Variants in XRCC4 observed in about 807,000 individuals in gnomAD.
The protein encoded by XRCC4 is X-ray repair cross complementing 4, also known as DNA repair protein XRCC4.
In XRCC4, 28 loss-of-function variants were observed where a neutral mutation model predicts 39.1. That is an observed-to-expected ratio of 0.72 (90% CI 0.53 to 0.98). The LOEUF is 0.98. Ranked by LOEUF, XRCC4 falls within the 50% of genes least tolerant of loss-of-function variation. The pLI, the probability that XRCC4 is intolerant of heterozygous loss-of-function variation, is 0.00. For missense variants in XRCC4, 350 were observed against 376.4 expected, an observed-to-expected ratio of 0.93 and a Z score of 0.58; for synonymous variants, 123 against 126.4, an observed-to-expected ratio of 0.97 and a Z score of 0.18.
chr5:83,172,440 T>C (rs1217770774), intron 3 of XRCC4, among the ~76,000 whole-genome samples: 3 of 152,178 alleles, frequency 2.0e-5, no homozygotes, highest in African/African-American at 4.8e-5. Flanking sequence ...TAATAGAATT[T>C]CCACTGTAGT....
chr5:83,261,946 G>C (rs968582570), intron 7 of XRCC4, among the ~76,000 whole-genome samples: 10 of 152,062 alleles, frequency 6.6e-5, no homozygotes, highest in African/African-American at 2.2e-4. Flanking sequence ...ATACCACAGG[G>C]TTATTTTGCA....
chr5:83,147,803 T>C (rs1057020848), intron 3 of XRCC4, among the ~76,000 whole-genome samples: 1 of 152,014 alleles, frequency 6.6e-6, no homozygotes, highest in African/African-American at 2.4e-5. Context: ...TCTTTTTTTT[T>C]TTTTTGACAC....
At chr5:83,332,035 C>T (rs184529925) in intron 7 of XRCC4, among the ~76,000 whole-genome samples, 413 of 151,966 alleles carry the variant, frequency 2.7e-3, no homozygotes, top group Non-Finnish European at 2.0e-3. Context: ...TGTGAAACAC[C>T]CTGGGTTATT....
chr5:83,081,441 T>C (rs1322838679), intron 1 of XRCC4, among the ~76,000 whole-genome samples: 5 of 152,294 alleles, frequency 3.3e-5, no homozygotes, highest in African/African-American at 1.2e-4. Context: ...CACATGGCTT[T>C]TCAATTCAGA....
At chr5:83,174,667 A>G (rs1357491677) in intron 3 of XRCC4, among the ~76,000 whole-genome samples, 2 of 152,192 alleles carry the variant, frequency 1.3e-5, no homozygotes, top group South Asian at 2.1e-4. Flanking sequence ...AACTGAAACT[A>G]TGTTTCTGGT....
intron 7 of XRCC4, among the ~76,000 whole-genome samples, chr5:83,281,803 G>T (rs1192278063): frequency 1.3e-5 from 2 of 152,078 alleles, no homozygotes; most frequent in Non-Finnish European, 2.9e-5. Context: ...CCTTTGCCTG[G>T]AATTCTCTCC....
chr5:83,276,016 A>T (rs1294587445), intron 7 of XRCC4, among the ~76,000 whole-genome samples: 1 of 152,208 alleles, frequency 6.6e-6, no homozygotes, highest in Non-Finnish European at 1.5e-5. Flanking sequence ...CTGGATTTAA[A>T]TACAGACAGT....
At chr5:83,261,909 C>A (rs1003141293) in intron 7 of XRCC4, among the ~76,000 whole-genome samples, 1 of 151,938 alleles carries the variant, frequency 6.6e-6, no homozygotes, top group Non-Finnish European at 1.5e-5. Flanking sequence ...AGGTATTTTA[C>A]AATGTAACAT....
chr5:83,287,272 G>A (rs1754768274), intron 7 of XRCC4, among the ~76,000 whole-genome samples: 1 of 152,030 alleles, frequency 6.6e-6, no homozygotes, highest in South Asian at 2.1e-4. Flanking sequence ...TATGAGAAAA[G>A]AAGAGAAACA....
chr5:83,254,084 T>G (rs182385596), intron 6 of XRCC4, among the ~76,000 whole-genome samples: 106 of 151,004 alleles, frequency 7.0e-4, no homozygotes, highest in African/African-American at 2.4e-3. Context: ...GTTTTTTGTT[T>G]TTTTTTTTTT....
At chr5:83,313,256 A>C (rs1580499873) in intron 7 of XRCC4, among the ~76,000 whole-genome samples, 1 of 152,054 alleles carries the variant, frequency 6.6e-6, no homozygotes, top group East Asian at 1.9e-4. Context: ...TTTAGAAAGC[A>C]CTTTTCTGAC....
chr5:83,246,406 A>C lies in XRCC4; in HGVS notation c.746-12124A>C, dbSNP rs534216470. The stretch of plus-strand genomic sequence containing the variant: ...CAGTGTTGGCCTTATAATGAAAATT[A>C]CAGACTTTTTTTAAGAAGTTATGTT... On this transcript the variant is annotated intron_variant, in intron 6 of 7. Transcript: ENST00000396027. 2.6e-5 allele frequency among the ~76,000 whole-genome samples: 4 copies of C among 152,270 alleles called. No individual in the cohort carries two copies. The South Asian group carries it at 8.3e-4, about 31-fold the overall frequency.
intron 7 of XRCC4, among the ~76,000 whole-genome samples, chr5:83,334,488 T>C (rs1756530705): frequency 6.6e-6 from 1 of 152,078 alleles, no homozygotes; most frequent in Non-Finnish European, 1.5e-5. Flanking sequence ...ATTTTTAAGG[T>C]ACCTCAATGT....
Position 83,105,073 on chromosome 5 carries a change from A to G in XRCC4, c.139+15A>G, listed in dbSNP as rs1469874033. 3.1e-6 allele frequency: 5 copies of G among 1,593,374 alleles called. No individual in the cohort carries two copies. In the African/African-American group the frequency reaches 4.1e-5, roughly 13 times the overall value. ...GACTGGGACAGGTAATACTAAAAAC[A>G]AAGTTTTTATAAGTAAAATTTAAGT... is the stretch of plus-strand genomic sequence containing the variant. On this transcript the variant is annotated intron_variant, in intron 2 of 7. Coordinates refer to ENST00000396027, the MANE Select transcript of XRCC4 (RefSeq NM_003401.5).
At chr5:83,180,588 C>A (rs114591911) in intron 3 of XRCC4, among the ~76,000 whole-genome samples, 3,288 of 152,152 alleles carry the variant, frequency 0.022, 74 homozygotes, top group Non-Finnish European at 0.03. Context: ...TTCTTGGTAA[C>A]AATAAGAAAG....
intron 7 of XRCC4, among the ~76,000 whole-genome samples, chr5:83,302,643 T>A (rs893844180): frequency 6.6e-6 from 1 of 152,212 alleles, no homozygotes; most frequent in Non-Finnish European, 1.5e-5. Flanking sequence ...TCGGCCATCT[T>A]GCCTGGAAAC....
intron 6 of XRCC4, among the ~76,000 whole-genome samples, chr5:83,245,509 T>C (rs1311477393): frequency 6.6e-6 from 1 of 152,066 alleles, no homozygotes; most frequent in Non-Finnish European, 1.5e-5. Context: ...ATTGTTATTG[T>C]CATATAAATG....
chr5:83,243,604 G>T (rs1361092448), intron 6 of XRCC4, among the ~76,000 whole-genome samples: 9 of 152,086 alleles, frequency 5.9e-5, no homozygotes. Context: ...AATCTTGGGG[G>T]AACACAATTC....
intron 7 of XRCC4, among the ~76,000 whole-genome samples, chr5:83,322,507 G>A (rs186845999): frequency 6.6e-5 from 10 of 152,164 alleles, no homozygotes; most frequent in Admixed American, 3.3e-4. Flanking sequence ...TCCCCCAACC[G>A]CCGCATGCGC....
Sources: allele counts gnomAD v4.1 joint callset (sites outside exome capture counted in the v4.1 genomes callset), GRCh38; gene constraint gnomAD v4.1.1; transcripts MANE v1.5; gene names NCBI Gene and HGNC (gene_info 2026-07-23, HGNC 2026-07-21).